NRXN1: variants seen among roughly 807,000 people sequenced by gnomAD.
NRXN1 encodes the protein neurexin 1, also known as neurexin-1.
NRXN1 carries 39 observed loss-of-function variants against 150.9 expected under a neutral mutation model. That is an observed-to-expected ratio of 0.26 (90% CI 0.20 to 0.34). The LOEUF (loss-of-function observed/expected upper bound fraction) is 0.34, where lower values mean the gene tolerates loss of function less well. NRXN1 is among the 10% of genes least tolerant of loss of function. NRXN1 has a pLI of 1.00. For missense variants in NRXN1, 1,815 were observed against 1,949.9 expected (o/e 0.93, Z 1.30); for synonymous variants, 924 against 757.0 (o/e 1.22, Z -3.62).
chr2:50,793,046 G>T (rs1706277725), intron 5 of NRXN1, among the ~76,000 whole-genome samples: 1 of 151,936 alleles, frequency 6.6e-6, no homozygotes, highest in Non-Finnish European at 1.5e-5. Context: ...ATTAAATATT[G>T]GCATTAGTTA....
rs1222419724 is a variant in NRXN1 at position 50,846,678 on chromosome 2, ACAAAAGCAACAATT to A, written c.832+75177_832+75190del. On this transcript the variant is annotated intron_variant, in intron 5 of 22. Transcript: ENST00000401669. ...TGGAATTCCTCAAATTGTTTTTACTACAAAAGCAACAATTCAAAACCAAATTGCAATTCAAGATA... is the reference window on the plus strand; with the variant it reads ...TGGAATTCCTCAAATTGTTTTTACTACAAAACCAAATTGCAATTCAAGATA... Among the ~76,000 whole-genome samples, 8 of 152,210 alleles carry A rather than the reference ACAAAAGCAACAATT, an allele frequency of 5.3e-5. No homozygotes were observed. The East Asian group carries it at 1.5e-3, about 29-fold the overall frequency.
intron 5 of NRXN1, among the ~76,000 whole-genome samples, chr2:50,693,345 T>C (rs1338789564): frequency 6.6e-6 from 1 of 152,136 alleles, no homozygotes; most frequent in Non-Finnish European, 1.5e-5. Context: ...ACTGGTGTGG[T>C]AAAGGCCAGC....
intron 17 of NRXN1, among the ~76,000 whole-genome samples, chr2:50,306,543 C>T (rs986683352): frequency 1.3e-5 from 2 of 152,196 alleles, no homozygotes; most frequent in Non-Finnish European, 2.9e-5. Context: ...AGGTCAACAA[C>T]ATTGGTTTCT....
intron 5 of NRXN1, among the ~76,000 whole-genome samples, chr2:50,690,095 A>G (rs1209495262): frequency 6.6e-6 from 1 of 152,036 alleles, no homozygotes; most frequent in East Asian, 1.9e-4. Flanking sequence ...TCATGTTAGC[A>G]AGGCTGGTCT....
chr2:50,053,964 A>T (rs975686661), intron 20 of NRXN1, among the ~76,000 whole-genome samples: 1 of 152,194 alleles, frequency 6.6e-6, no homozygotes, highest in Non-Finnish European at 1.5e-5. Context: ...GTCATTCTGA[A>T]ATTACCACTG....
At position 51,026,900 on chromosome 2, in the gene NRXN1, T is replaced by C. The variant is rs543574509; in HGVS notation, c.772+602A>G. Among the ~76,000 whole-genome samples, 5 of 152,318 alleles carry C rather than the reference T, an allele frequency of 3.3e-5. 1 individual carries two copies. The South Asian group carries it at 1.0e-3, about 32-fold the overall frequency. On this transcript the variant is annotated intron_variant, in intron 2 of 22. Transcript: ENST00000401669. The stretch of plus-strand genomic sequence containing the variant: ...TGAAGAAACGCTTCACATCCTCTCT[T>C]TCCCTTTTTCCACAACGAAAAGCAG...
chr2:50,192,897 G>T (rs564818798), intron 18 of NRXN1, among the ~76,000 whole-genome samples: 31 of 152,246 alleles, frequency 2.0e-4, no homozygotes, highest in African/African-American at 6.7e-4. Context: ...GATTACAGGC[G>T]TGAGCCACCC....
rs193025916 is a variant in NRXN1 at position 50,342,292 on chromosome 2, C to T, written c.3365-105322G>A. Among the ~76,000 whole-genome samples the T allele has an allele frequency of 4.4e-3, 664 of 152,296 alleles. 3 individuals carry two copies. Among genetic ancestry groups the T allele is most frequent in the Non-Finnish European group, 7.7e-3 (526 of 68,022 alleles). On this transcript the variant is annotated intron_variant, in intron 17 of 22. Transcript: ENST00000401669. Reference sequence around the variant, plus strand: ...AGATTCTTCCAAAAATAGTAGCTGGCCATCTTGTTGAAAACAGCATTTAAG... The same window carrying T: ...AGATTCTTCCAAAAATAGTAGCTGGTCATCTTGTTGAAAACAGCATTTAAG...
chr2:50,486,029 AATT>A (rs1332764293), intron 15 of NRXN1, among the ~76,000 whole-genome samples: 4 of 152,200 alleles, frequency 2.6e-5, no homozygotes, highest in African/African-American at 9.7e-5. Flanking sequence ...TATAATATAA[AATT>A]ATTATATAAT....
chr2:50,288,386 C>G (rs2072474601), intron 17 of NRXN1, among the ~76,000 whole-genome samples: 1 of 152,012 alleles, frequency 6.6e-6, no homozygotes, highest in South Asian at 2.1e-4. Flanking sequence ...ATTACCCACC[C>G]CAAAATGTCA....
chr2:50,198,228 G>A (rs192604937), intron 18 of NRXN1, among the ~76,000 whole-genome samples: 126 of 152,154 alleles, frequency 8.3e-4, no homozygotes, highest in African/African-American at 2.9e-3. Flanking sequence ...ACACTCACTT[G>A]CATGCAAACT....
At position 50,448,475 on chromosome 2, in the gene NRXN1, G is replaced by A. The variant is rs554095201; in HGVS notation, c.3364+16967C>T. Among the ~76,000 whole-genome samples the A allele has an allele frequency of 6.6e-5, 10 of 152,306 alleles. No individual in the cohort carries two copies. The East Asian group carries it at 1.9e-3, about 29-fold the overall frequency. On this transcript the variant is annotated intron_variant, in intron 17 of 22. Transcript: ENST00000401669. ...AGATGATAATGTTGCACAATGAGGA[G>A]TAGGTGTAATGATTAAAGCATTAGT... is the stretch of plus-strand genomic sequence containing the variant.
chr2:50,332,822 T>C (rs914945792), intron 17 of NRXN1, among the ~76,000 whole-genome samples: 10 of 152,242 alleles, frequency 6.6e-5, no homozygotes, highest in African/African-American at 2.4e-4. Context: ...GTTGTATGCA[T>C]ATTTTTTGAG....
intron 5 of NRXN1, among the ~76,000 whole-genome samples, chr2:50,850,082 C>T (rs1028329488): frequency 6.6e-6 from 1 of 151,756 alleles, no homozygotes; most frequent in Non-Finnish European, 1.5e-5. Flanking sequence ...AATAGCCAGG[C>T]ATGATGGTAT....
At chr2:50,847,594 C>T (rs1184136529) in intron 5 of NRXN1, among the ~76,000 whole-genome samples, 2 of 152,102 alleles carry the variant, frequency 1.3e-5, no homozygotes, top group East Asian at 3.9e-4. Flanking sequence ...CTACCCTGGC[C>T]CATCCTGGGC....
At chr2:50,647,798 GA>G (rs1559070719) in intron 5 of NRXN1, among the ~76,000 whole-genome samples, 1 of 151,812 alleles carries the variant, frequency 6.6e-6, no homozygotes, top group Non-Finnish European at 1.5e-5. Flanking sequence ...CATTAGGATG[GA>G]AAATTTGTAG....
chr2:50,072,844 C>T (rs1277464196), intron 19 of NRXN1, among the ~76,000 whole-genome samples: 1 of 152,168 alleles, frequency 6.6e-6, no homozygotes, highest in African/African-American at 2.4e-5. Flanking sequence ...ACGGCATCAG[C>T]TGGTCCTAAA....
At chr2:50,044,408 G>T (rs1691484582) in intron 21 of NRXN1, among the ~76,000 whole-genome samples, 1 of 152,138 alleles carries the variant, frequency 6.6e-6, no homozygotes, top group African/African-American at 2.4e-5. Flanking sequence ...TATTTTAGAA[G>T]AAGCTTTCCG....
At chr2:50,425,069 C>T (rs1287351454) in intron 17 of NRXN1, among the ~76,000 whole-genome samples, 2 of 152,180 alleles carry the variant, frequency 1.3e-5, no homozygotes, top group Admixed American at 6.5e-5. Context: ...TATACCACCA[C>T]TTCAGGCCAT....
Sources: allele counts gnomAD v4.1 joint callset (sites outside exome capture counted in the v4.1 genomes callset), GRCh38; gene constraint gnomAD v4.1.1; transcripts MANE v1.5; gene names NCBI Gene and HGNC (gene_info 2026-07-23, HGNC 2026-07-21).